NAALADL2: variants seen among roughly 807,000 people sequenced by gnomAD.
The protein encoded by NAALADL2 is inactive N-acetylated-alpha-linked acidic dipeptidase-like protein 2.
A neutral mutation model predicts 87.2 loss-of-function variants in NAALADL2; 76 were observed. The observed-to-expected ratio is 0.87, with a 90% CI of 0.72 to 1.05. NAALADL2 has a LOEUF of 1.05. Ranked by LOEUF, NAALADL2 falls within the 50% of genes least tolerant of loss-of-function variation. The pLI, the probability that NAALADL2 is intolerant of heterozygous loss-of-function variation, is 0.00. For synonymous variants in NAALADL2, 354 were observed against 331.0 expected (o/e 1.07, Z -0.75); for missense variants, 1,089 against 945.8 (o/e 1.15, Z -1.99).
intron 2 of NAALADL2, among the ~76,000 whole-genome samples, chr3:174,599,480 C>G (rs971192246): frequency 6.6e-6 from 1 of 152,024 alleles, no homozygotes; most frequent in African/African-American, 2.4e-5. Context: ...ATAACTATGT[C>G]TACTTGTAAG....
intron 12 of NAALADL2, among the ~76,000 whole-genome samples, chr3:175,750,396 CTT>C (rs761507205): frequency 4.6e-5 from 7 of 152,074 alleles, no homozygotes; most frequent in Non-Finnish European, 8.8e-5. Flanking sequence ...TTCTCTCTCT[CTT>C]CTTCTCTCCC....
chr3:175,733,909 C>T (rs1361358044), intron 11 of NAALADL2, among the ~76,000 whole-genome samples: 1 of 152,236 alleles, frequency 6.6e-6, no homozygotes, highest in Non-Finnish European at 1.5e-5. Flanking sequence ...CTCCATGTCT[C>T]ACATCCAGGT....
In NAALADL2 at chr3:175,351,497, A is replaced by G. The variant is rs1763771152; in HGVS notation, c.1090+27172A>G. Among the ~76,000 whole-genome samples, 2 of 152,160 alleles carry G rather than the reference A, an allele frequency of 1.3e-5. 1 individual carries two copies. The highest frequency in any genetic ancestry group is 4.1e-4 in the South Asian group (2 of 4,826). The stretch of plus-strand genomic sequence containing the variant: ...TTTTTGCTCACATACAACTACTACC[A>G]TAGATTCAAAATGTTGAATAAATCA... On this transcript the variant is annotated intron_variant, in intron 5 of 13. Coordinates refer to ENST00000454872, the MANE Select transcript of NAALADL2 (RefSeq NM_207015.3).
chr3:175,687,174 CTGATA>C (rs1736409352), intron 11 of NAALADL2, among the ~76,000 whole-genome samples: 1 of 152,004 alleles, frequency 6.6e-6, no homozygotes, highest in African/African-American at 2.4e-5. Flanking sequence ...AACAAATTAT[CTGATA>C]TAAATTTTTA....
intron 10 of NAALADL2, among the ~76,000 whole-genome samples, chr3:175,576,548 T>TG (rs2149558654): frequency 6.6e-6 from 1 of 152,126 alleles, no homozygotes; most frequent in African/African-American, 2.4e-5. Flanking sequence ...CAAAGGAAAA[T>TG]GCACTTCATG....
intron 2 of NAALADL2, among the ~76,000 whole-genome samples, chr3:174,702,437 C>A (rs1429222660): frequency 6.6e-6 from 1 of 152,100 alleles, no homozygotes; most frequent in Non-Finnish European, 1.5e-5. Flanking sequence ...AAGAGTGAGA[C>A]TCTGTACCTG....
chr3:174,744,394 A>T (rs552527223), intron 3 of NAALADL2, among the ~76,000 whole-genome samples: 40 of 152,144 alleles, frequency 2.6e-4, no homozygotes, highest in African/African-American at 9.6e-4. Flanking sequence ...CAACAAGAAG[A>T]ACTAACAATC....
At chr3:174,528,982 T>G (rs2108435576) in intron 1 of NAALADL2, among the ~76,000 whole-genome samples, 1 of 152,176 alleles carries the variant, frequency 6.6e-6, no homozygotes, top group South Asian at 2.1e-4. Flanking sequence ...GTCCCCACAT[T>G]TCAAAAGTAG....
intron 9 of NAALADL2, among the ~76,000 whole-genome samples, chr3:175,475,714 TTTTAA>T (rs1381455780): frequency 6.6e-6 from 1 of 152,152 alleles, no homozygotes; most frequent in Non-Finnish European, 1.5e-5. Flanking sequence ...GACAGTGTTT[TTTTAA>T]TTTAATTTAA....
At chr3:175,490,511 C>G (rs566579262) in intron 9 of NAALADL2, among the ~76,000 whole-genome samples, 1 of 151,122 alleles carries the variant, frequency 6.6e-6, no homozygotes, top group Non-Finnish European at 1.5e-5. Context: ...CTCAGCCTCC[C>G]GAGTAGCTGG....
intron 5 of NAALADL2, among the ~76,000 whole-genome samples, chr3:175,372,336 C>T (rs1255328695): frequency 6.6e-6 from 1 of 152,208 alleles, no homozygotes; most frequent in Non-Finnish European, 1.5e-5. Context: ...TCTATATCTA[C>T]CTAGTATCAG....
intron 4 of NAALADL2, among the ~76,000 whole-genome samples, chr3:175,295,367 T>C (rs1756183111): frequency 6.6e-6 from 1 of 152,114 alleles, no homozygotes. Context: ...TGGCCAAACC[T>C]GAATTCGTTT....
At chr3:174,514,743 G>A (rs991274208) in intron 1 of NAALADL2, among the ~76,000 whole-genome samples, 7 of 151,830 alleles carry the variant, frequency 4.6e-5, no homozygotes, top group Non-Finnish European at 8.8e-5. Flanking sequence ...AATGTATGAT[G>A]TTTTATTATC....
intron 2 of NAALADL2, among the ~76,000 whole-genome samples, chr3:174,704,253 A>G (rs1027626532): frequency 6.6e-6 from 1 of 152,200 alleles, no homozygotes; most frequent in Non-Finnish European, 1.5e-5. Flanking sequence ...ACAGAAAGAA[A>G]TAATTGCTTA....
At chr3:175,241,290 G>A (rs1188590679) in intron 3 of NAALADL2, among the ~76,000 whole-genome samples, 1 of 151,828 alleles carries the variant, frequency 6.6e-6, no homozygotes, top group African/African-American at 2.4e-5. Flanking sequence ...GTGCAACCTC[G>A]GCTCACTGTA....
rs1317686262 is a variant in NAALADL2 at position 175,118,621 on chromosome 3, A to G, written c.545+21330A>G. Among the ~76,000 whole-genome samples, 4 of 151,690 alleles carry G rather than the reference A, an allele frequency of 2.6e-5. No homozygotes were observed. In the South Asian group the frequency reaches 6.2e-4, roughly 24 times the overall value. ...ACTTATTTGGTTGTCTCTTTTATTC[A>G]ATACTCTATAATGTCTAAATCAAAG... On this transcript the variant is annotated intron_variant, in intron 2 of 13. Transcript: ENST00000454872.
At chr3:174,977,316 G>A (rs1156372576) in intron 1 of NAALADL2, among the ~76,000 whole-genome samples, 1 of 152,128 alleles carries the variant, frequency 6.6e-6, no homozygotes, top group Non-Finnish European at 1.5e-5. Context: ...GTAGAGACAG[G>A]GTTGTGCCAT....
At chr3:174,849,366 C>T (rs1010024391) in intron 3 of NAALADL2, among the ~76,000 whole-genome samples, 1 of 152,022 alleles carries the variant, frequency 6.6e-6, no homozygotes, top group African/African-American at 2.4e-5. Context: ...AAAAATATTT[C>T]CTGTTTGTAT....
intron 1 of NAALADL2, among the ~76,000 whole-genome samples, chr3:174,990,905 C>A (rs1746646638): frequency 6.6e-6 from 1 of 152,098 alleles, no homozygotes; most frequent in Non-Finnish European, 1.5e-5. Flanking sequence ...AGGCACTCCC[C>A]TAGAGCTTTG....
Sources: allele counts gnomAD v4.1 joint callset (sites outside exome capture counted in the v4.1 genomes callset), GRCh38; gene constraint gnomAD v4.1.1; transcripts MANE v1.5; gene names NCBI Gene and HGNC (gene_info 2026-07-23, HGNC 2026-07-21).